The following SLC14A2 variants were observed in gnomAD, a reference collection of about 807,000 sequenced individuals.
SLC14A2 encodes the protein solute carrier family 14 member 2.
Under a neutral mutation model 104.6 loss-of-function variants are expected in SLC14A2, and 91 were observed. The observed-to-expected ratio is 0.87, with a 90% CI of 0.73 to 1.04. The LOEUF (loss-of-function observed/expected upper bound fraction) is 1.04. Ranked by LOEUF, SLC14A2 falls within the 50% of genes least tolerant of loss-of-function variation. The pLI is 0.00. For synonymous variants in SLC14A2, 476 were observed against 466.4 expected (o/e 1.02, Z -0.27); for missense variants, 1,189 against 1,156.0 (o/e 1.03, Z -0.41).
chr18:45,507,589 C>G, intron 2 of SLC14A2, among the ~76,000 whole-genome samples: 1 of 152,198 alleles, frequency 6.6e-6, no homozygotes, highest in Admixed American at 6.5e-5. Context: ...AGACTCTGTC[C>G]TCAGTGGGCA....
chr18:45,572,955 T>C (rs1310052557), intron 2 of SLC14A2, among the ~76,000 whole-genome samples: 5 of 152,226 alleles, frequency 3.3e-5, no homozygotes, highest in Non-Finnish European at 7.3e-5. Flanking sequence ...ATCATTGTTA[T>C]TGTCACCATG....
At chr18:45,618,541 C>T (rs568382613) in intron 1 of SLC14A2, among the ~76,000 whole-genome samples, 38 of 151,830 alleles carry the variant, frequency 2.5e-4, no homozygotes, top group African/African-American at 7.5e-4. Context: ...TGGTGGCAGG[C>T]GCCTGTAATC....
intron 10 of SLC14A2, among the ~76,000 whole-genome samples, chr18:45,652,931 T>C (rs1052036488): frequency 6.6e-6 from 1 of 152,080 alleles, no homozygotes; most frequent in African/African-American, 2.4e-5. Context: ...TAAGCAGTCA[T>C]TTCCTGTCTT....
chr18:45,421,113 A>C (rs763218454), intron 1 of SLC14A2, among the ~76,000 whole-genome samples: 1 of 152,188 alleles, frequency 6.6e-6, no homozygotes, highest in Non-Finnish European at 1.5e-5. Context: ...CCAAGAATAC[A>C]TTATTTACAT....
intron 1 of SLC14A2, among the ~76,000 whole-genome samples, chr18:45,297,677 G>A (rs183674957): frequency 1.3e-4 from 19 of 150,966 alleles, no homozygotes; most frequent in African/African-American, 3.4e-4. Context: ...AAAAAAAAAT[G>A]TACGTGAAGG....
chr18:45,473,508 G>A (rs1010739477), intron 1 of SLC14A2, among the ~76,000 whole-genome samples: 2 of 152,186 alleles, frequency 1.3e-5, no homozygotes, highest in African/African-American at 4.8e-5. Context: ...CTATCCATGA[G>A]CATCAAGTGT....
chr18:45,373,291 C>T (rs1048571360), intron 1 of SLC14A2, among the ~76,000 whole-genome samples: 2 of 152,094 alleles, frequency 1.3e-5, no homozygotes, highest in Non-Finnish European at 2.9e-5. Flanking sequence ...TTATATTATT[C>T]GGCTCCAGGC....
At chr18:45,243,552 T>C (rs1047765096) in intron 1 of SLC14A2, among the ~76,000 whole-genome samples, 5 of 152,210 alleles carry the variant, frequency 3.3e-5, no homozygotes, top group Non-Finnish European at 5.9e-5. Flanking sequence ...AAACATCACA[T>C]ATCTGAACAG....
chr18:45,593,789 G>A (rs1049797255), intron 2 of SLC14A2, among the ~76,000 whole-genome samples: 5 of 152,080 alleles, frequency 3.3e-5, no homozygotes, highest in East Asian at 1.9e-4. Flanking sequence ...GCGCCCTGCC[G>A]CATTTCCTTA....
chr18:45,501,904 G>A (rs1209712251), intron 2 of SLC14A2, among the ~76,000 whole-genome samples: 1 of 152,174 alleles, frequency 6.6e-6, no homozygotes. Flanking sequence ...CTCCAACCCT[G>A]ATTTCTTCCT....
chr18:45,638,320 A>C (rs1489052538), intron 6 of SLC14A2, among the ~76,000 whole-genome samples: 1 of 152,220 alleles, frequency 6.6e-6, no homozygotes, highest in Non-Finnish European at 1.5e-5. Context: ...TTTGGTTATT[A>C]AAAGACCATT....
At chr18:45,582,839 C>G (rs60469977) in intron 2 of SLC14A2, among the ~76,000 whole-genome samples, 1,868 of 152,278 alleles carry the variant, frequency 0.012, 22 homozygotes, top group East Asian at 0.034. Context: ...TACCCACCCC[C>G]CTTAGGAACA....
intron 1 of SLC14A2, among the ~76,000 whole-genome samples, chr18:45,327,436 T>C (rs1480464508): frequency 6.6e-6 from 1 of 152,162 alleles, no homozygotes; most frequent in Non-Finnish European, 1.5e-5. Context: ...CGCAATGCCA[T>C]GCAACCATCA....
chr18:45,225,655 T>G (rs1447574757), intron 1 of SLC14A2, among the ~76,000 whole-genome samples: 3 of 152,196 alleles, frequency 2.0e-5, no homozygotes, highest in African/African-American at 7.2e-5. Flanking sequence ...GTTTGTGTCC[T>G]CTTTTATTTC....
chr18:45,407,237 C>A (rs572758378), intron 1 of SLC14A2, among the ~76,000 whole-genome samples: 7 of 152,364 alleles, frequency 4.6e-5, no homozygotes, highest in Admixed American at 6.5e-5. Context: ...TGCGTCAGCA[C>A]TTGCTGCTTT....
intron 1 of SLC14A2, among the ~76,000 whole-genome samples, chr18:45,309,759 AT>A (rs1010051706): frequency 3.3e-5 from 5 of 152,206 alleles, no homozygotes; most frequent in African/African-American, 1.2e-4. Context: ...TATGAGGAAC[AT>A]TTTTGTAGCC....
At chr18:45,562,894 G>T (rs1357610978) in intron 2 of SLC14A2, among the ~76,000 whole-genome samples, 1 of 152,144 alleles carries the variant, frequency 6.6e-6, no homozygotes, top group African/African-American at 2.4e-5. Context: ...CTCTGCAAGC[G>T]GTGCATTTAA....
intron 1 of SLC14A2, among the ~76,000 whole-genome samples, chr18:45,448,013 TG>T (rs1190085789): frequency 1.3e-5 from 2 of 152,256 alleles, no homozygotes; most frequent in Non-Finnish European, 2.9e-5. Flanking sequence ...TATGTTTATC[TG>T]CAAAACAAGA....
chr18:45,673,198 AG>A, intron 17 of SLC14A2, 151 bp downstream of exon 17: 3 of 771,010 alleles, frequency 3.9e-6, no homozygotes, highest in Non-Finnish European at 6.1e-6. Context: ...TTTTTGATCT[AG>A]CCCCTTTATC....
Sources: allele counts gnomAD v4.1 joint callset (sites outside exome capture counted in the v4.1 genomes callset), GRCh38; gene constraint gnomAD v4.1.1; transcripts MANE v1.5; gene names NCBI Gene and HGNC (gene_info 2026-07-23, HGNC 2026-07-21).